The following ZFHX4 variants were observed in gnomAD, a reference collection of about 807,000 sequenced individuals.
The protein encoded by ZFHX4 is zinc finger homeobox protein 4.
ZFHX4 carries 56 observed loss-of-function variants against 267.6 expected under a neutral mutation model. That is an observed-to-expected ratio of 0.21 (90% CI 0.17 to 0.26). ZFHX4 has a LOEUF of 0.26. Among genes scored for constraint, ZFHX4 ranks in the 10% least tolerant of loss-of-function variants. The pLI is 1.00. For missense variants in ZFHX4, 4,332 were observed against 4,420.0 expected (o/e 0.98, Z 0.56); for synonymous variants, 1,778 against 1,665.6 (o/e 1.07, Z -1.64).
At position 76,864,121 on chromosome 8, in the gene ZFHX4, C is replaced by T; in HGVS notation, c.10407C>T (p.Ser3469=). ...NEALSQHLQS[S]LHKEKTIKQA... ...CACTTAGCCAACACCTCCAGTCAAG[C>T]TTGCACAAAGAGAAAACAATCAAAC... is the stretch of plus-strand genomic sequence containing the variant. Residue 3469 remains serine (S), a synonymous_variant, in exon 11 of 11, where the codon AGC becomes AGT. Coordinates refer to ENST00000651372, the MANE Select transcript of ZFHX4 (RefSeq NM_024721.5). 1 of 1,613,874 alleles carries T rather than the reference C, an allele frequency of 6.2e-7. No individual in the cohort carries two copies.
At chr8:76,790,395 A>G (rs899156146) in intron 4 of ZFHX4, among the ~76,000 whole-genome samples, 3 of 152,146 alleles carry the variant, frequency 2.0e-5, no homozygotes, top group African/African-American at 7.2e-5. Context: ...TTTATTCAAC[A>G]TGACTCTTGT....
At chr8:76,827,477 A>G (rs1811817233) in intron 4 of ZFHX4, among the ~76,000 whole-genome samples, 1 of 152,220 alleles carries the variant, frequency 6.6e-6, no homozygotes, top group East Asian at 1.9e-4. Context: ...AGATGGAAAC[A>G]CAAGTTTATA....
In ZFHX4 at chr8:76,707,943, T is replaced by C. The variant is rs561597762; in HGVS notation, c.2988T>C (p.Pro996=). ...TGAAGTGTATTGCCATTGGCAACCC[T>C]GTTCACCTAAAATGTAACGCCTGTG... ...WRLKCIAIGN[P]VHLKCNACDY... Residue 996 remains proline, a synonymous_variant, in exon 3 of 11, where the codon CCT becomes CCC. Coordinates refer to ENST00000651372, the MANE Select transcript of ZFHX4 (RefSeq NM_024721.5). 1.2e-5 allele frequency: 19 copies of C among 1,614,078 alleles called. No homozygotes were observed. In the South Asian group the frequency reaches 1.2e-4, roughly 10 times the overall value.
chr8:76,769,070 C>A (rs1237349458), intron 3 of ZFHX4, among the ~76,000 whole-genome samples: 1 of 151,904 alleles, frequency 6.6e-6, no homozygotes, highest in East Asian at 1.9e-4. Context: ...TGCACTCCAG[C>A]CTGGGAAACA....
intron 3 of ZFHX4, among the ~76,000 whole-genome samples, chr8:76,760,560 A>C (rs972839277): frequency 3.9e-5 from 6 of 152,226 alleles, no homozygotes; most frequent in Middle Eastern, 6.8e-3. Context: ...AAGGTGTGTA[A>C]TGGAAGAGTT....
At chr8:76,843,470 A>G (rs1812288577) in intron 6 of ZFHX4, among the ~76,000 whole-genome samples, 1 of 152,176 alleles carries the variant, frequency 6.6e-6, no homozygotes, top group Admixed American at 6.5e-5. Flanking sequence ...CTTGTGCACA[A>G]ACAAACCCTA....
chr8:76,733,806 T>C (rs1030995221), intron 3 of ZFHX4, among the ~76,000 whole-genome samples: 1 of 152,144 alleles, frequency 6.6e-6, no homozygotes. Flanking sequence ...ATGAGACACA[T>C]GCTAATAAGA....
chr8:76,726,519 G>A (rs1808857595), intron 3 of ZFHX4, among the ~76,000 whole-genome samples: 1 of 152,044 alleles, frequency 6.6e-6, no homozygotes, highest in South Asian at 2.1e-4. Flanking sequence ...TTTTAGTAGT[G>A]GTTTGAGATA....
rs541472062 is a variant in ZFHX4 at position 76,782,460 on chromosome 8, G to T, written c.3325+4021G>T. On this transcript the variant is annotated intron_variant, in intron 4 of 10. Transcript: ENST00000651372. ...GATAGCAATGCAGTAGAGATGGAAA[G>T]AAATAGTGAATACTTTGAGCCTTAA... is the stretch of plus-strand genomic sequence containing the variant. 4.6e-5 allele frequency among the ~76,000 whole-genome samples: 7 copies of T among 152,046 alleles called. No homozygotes were observed. The East Asian group carries it at 1.2e-3, about 25-fold the overall frequency.
rs750447542 is a variant in ZFHX4, at chr8:76,705,494, C to G, written c.1406C>G (p.Pro469Arg). 111 of 1,613,436 alleles carry G rather than the reference C, an allele frequency of 6.9e-5. 1 individual carries two copies. The East Asian group carries it at 2.4e-3, about 34-fold the overall frequency. The change falls in exon 2 of 11, where the codon CCG becomes CGG. Residue 469 changes from proline (P) to arginine (R), a missense_variant. Pro to Arg is a moderately radical substitution (Grantham distance 103, BLOSUM62 -2). Around this residue, in one of 7 missense-constraint regions of ZFHX4, gnomAD observed 1,195 missense variants for 1,173.6 expected, o/e 1.02. Transcript: ENST00000651372. ...ECPVKSEPTE[P>R]GDEDEEDAYS... ...CCTGTCAAAAGTGAACCCACTGAAC[C>G]GGGAGATGAGGATGAAGAAGATGCG...
chr8:76,721,167 A>T (rs188931309), intron 3 of ZFHX4, among the ~76,000 whole-genome samples: 13 of 152,180 alleles, frequency 8.5e-5, no homozygotes, highest in Admixed American at 7.9e-4. Flanking sequence ...GAAGGAGGAG[A>T]AGTGAGGGCT....
At chr8:76,817,141 T>C (rs1811527701) in intron 4 of ZFHX4, among the ~76,000 whole-genome samples, 1 of 152,158 alleles carries the variant, frequency 6.6e-6, no homozygotes, top group Non-Finnish European at 1.5e-5. Flanking sequence ...TTGTGGATTG[T>C]TGGAGCTTAA....
At chr8:76,721,996 T>C (rs908568375) in intron 3 of ZFHX4, among the ~76,000 whole-genome samples, 2 of 152,128 alleles carry the variant, frequency 1.3e-5, no homozygotes, top group African/African-American at 4.8e-5. Context: ...CTTTCTCATA[T>C]CTGATGTAAT....
chr8:76,730,121 T>C (rs1271291874), intron 3 of ZFHX4, among the ~76,000 whole-genome samples: 2 of 152,110 alleles, frequency 1.3e-5, no homozygotes, highest in Non-Finnish European at 2.9e-5. Context: ...AAATAATTCA[T>C]CTTGAATCAG....
chr8:76,786,941 T>C (rs1054093581), intron 4 of ZFHX4, among the ~76,000 whole-genome samples: 2 of 152,212 alleles, frequency 1.3e-5, no homozygotes, highest in Admixed American at 6.5e-5. Flanking sequence ...GCTGTCATTT[T>C]CTAGGAAGAT....
At chr8:76,715,994 A>G (rs997735990) in intron 3 of ZFHX4, among the ~76,000 whole-genome samples, 4 of 152,192 alleles carry the variant, frequency 2.6e-5, no homozygotes, top group Non-Finnish European at 5.9e-5. Flanking sequence ...TGATTGAAGA[A>G]CTATTTGTTC....
chr8:76,849,834 G>T, intron 8 of ZFHX4, 122 bp downstream of exon 8: 2 of 1,117,072 alleles, frequency 1.8e-6, no homozygotes, highest in East Asian at 5.2e-5. Context: ...CTCTGTTATT[G>T]CTCGTGTTAT....
intron 4 of ZFHX4, among the ~76,000 whole-genome samples, chr8:76,786,515 G>A (rs991251516): frequency 2.0e-5 from 3 of 151,700 alleles, no homozygotes; most frequent in Non-Finnish European, 2.9e-5. Flanking sequence ...ATAGTAAACA[G>A]TAGACACATC....
chr8:76,811,118 C>T (rs144657363), intron 4 of ZFHX4, among the ~76,000 whole-genome samples: 15 of 152,254 alleles, frequency 9.9e-5, no homozygotes, highest in East Asian at 1.9e-4. Flanking sequence ...CCTCATCTCA[C>T]GGCTAAGGAC....
Sources: gnomAD v4.1 joint callset for allele counts (sites outside exome capture counted in the v4.1 genomes callset) on GRCh38, gnomAD v4.1.1 for gene constraint, gnomAD v4.1.1 regional missense constraint, MANE v1.5 for transcripts, NCBI Gene and HGNC (gene_info 2026-07-23, HGNC 2026-07-21) for gene names.